The following TPM1 variants were observed in gnomAD, a reference collection of about 807,000 sequenced individuals.
The protein encoded by TPM1 is tropomyosin alpha-1 chain.
In TPM1, 24 loss-of-function variants were observed where a neutral mutation model predicts 42.9. The ratio of observed to expected loss-of-function variants is 0.56; its 90% CI spans 0.41 to 0.79. The LOEUF (loss-of-function observed/expected upper bound fraction) is 0.79. Ranked by LOEUF, TPM1 falls within the 30% of genes least tolerant of loss-of-function variation. The probability of loss-of-function intolerance (pLI) is 0.00; values close to 1 mark genes in which losing one functional copy is unlikely to be tolerated. For missense variants in TPM1, 158 were observed against 351.8 expected (o/e 0.45, Z 4.41); for synonymous variants, 136 against 130.1 (o/e 1.05, Z -0.31).
chr15:63,069,694 A>G (rs1202625204), downstream of TPM1, among the ~76,000 whole-genome samples: 1 of 152,110 alleles, frequency 6.6e-6, no homozygotes, highest in Non-Finnish European at 1.5e-5. Flanking sequence ...TTTAGGGTCT[A>G]CCCTTCCTGG....
chr15:63,054,909 C>A (rs1230618392), intron 2 of TPM1, among the ~76,000 whole-genome samples: 2 of 150,894 alleles, frequency 1.3e-5, no homozygotes, highest in Non-Finnish European at 2.9e-5. Context: ...CTTTGAGTCT[C>A]CCCCCCACCC....
intron 8 of TPM1, chr15:63,063,140 C>T (rs12148828): frequency 0.56 from 548,043 of 980,362 alleles, 153,986 homozygotes; most frequent in Non-Finnish European, 0.57. Flanking sequence ...AAAAATTATA[C>T]TTAAGCATTT....
chr15:63,064,389 G>T, intron 9 of TPM1: 5 of 1,370,592 alleles, frequency 3.6e-6, no homozygotes, highest in Non-Finnish European at 4.7e-6. Flanking sequence ...AACTAGAGCA[G>T]TGAACTAGAA....
At chr15:63,043,496 A>G (rs1401686635) in intron 1 of TPM1, 8 of 773,286 alleles carry the variant, frequency 1.0e-5, no homozygotes, top group Non-Finnish European at 1.8e-5. Flanking sequence ...AGACCTCGGC[A>G]GGAGTCTCGT....
At position 63,048,365 on chromosome 15, in the gene TPM1, C is replaced by T. The variant is rs1370643543; in HGVS notation, c.240+4213C>T. On this transcript the variant is annotated intron_variant, in intron 2 of 9. Transcript: ENST00000403994. Reference sequence around the variant, plus strand: ...GATCCACGGCGCGCGCCCCTCCCAGCCGCGCGCGCCCGCCTGCGGTTTGTC... The same window carrying T: ...GATCCACGGCGCGCGCCCCTCCCAGTCGCGCGCGCCCGCCTGCGGTTTGTC... 5 of 1,291,858 alleles carry T rather than the reference C, an allele frequency of 3.9e-6. No homozygotes were observed. In the Admixed American group the frequency reaches 2.0e-4, roughly 51 times the overall value. The allele number at this position is 1,291,858 out of a possible 1,614,324, so 80.0% of individuals were successfully genotyped here. A position where few individuals can be genotyped will look rare whatever the true frequency, so the allele number is the denominator to read the frequency against.
chr15:63,047,919 GGAAAACTGCATTTAGAACA>G, intron 2 of TPM1: 1 of 211,608 alleles, frequency 4.7e-6, no homozygotes, highest in Non-Finnish European at 9.7e-6. Context: ...AGTCAACCTA[GGAAAACTGCATTTAGAACA>G]GGAGGTCTAA....
chr15:63,061,466 C>A, intron 5 of TPM1: 2 of 744,114 alleles, frequency 2.7e-6, no homozygotes, highest in Non-Finnish European at 4.6e-6. Context: ...TTTGGGCAGC[C>A]AAAAAAGGAG....
intron 1 of TPM1, 147 bp from the exon 2 acceptor site, chr15:63,043,879 TC>T: frequency 6.4e-7 from 1 of 1,550,534 alleles, no homozygotes; most frequent in East Asian, 2.4e-5. Context: ...GCTAACTCTT[TC>T]TCTTTCTCTC....
intron 3 of TPM1, among the ~76,000 whole-genome samples, chr15:63,059,286 G>C (rs1206777311): frequency 6.6e-6 from 1 of 152,172 alleles, no homozygotes; most frequent in South Asian, 2.1e-4. Flanking sequence ...ACAGATTCCT[G>C]ACGTGGTACC....
chr15:63,051,560 T>C (rs930400417), intron 2 of TPM1, among the ~76,000 whole-genome samples: 15 of 152,072 alleles, frequency 9.9e-5, no homozygotes, highest in Non-Finnish European at 1.6e-4. Context: ...CCCCTTTCCT[T>C]ACCATATAAG....
intron 8 of TPM1, 163 bp from the exon 9 acceptor site, chr15:63,063,901 G>T (rs376310733): frequency 5.9e-5 from 51 of 861,444 alleles, no homozygotes; most frequent in Non-Finnish European, 7.9e-5. Context: ...AAAACAAAAC[G>T]CACGCCTCCT....
intron 9 of TPM1, chr15:63,065,647 A>G (rs1320892902): frequency 1.0e-6 from 1 of 984,820 alleles, no homozygotes; most frequent in Non-Finnish European, 1.2e-6. Context: ...GTGTAGCTTA[A>G]AATTTTTTTT....
intron 2 of TPM1, among the ~76,000 whole-genome samples, chr15:63,049,800 G>T (rs562958263): frequency 1.3e-5 from 2 of 152,178 alleles, no homozygotes; most frequent in Non-Finnish European, 2.9e-5. Flanking sequence ...AAATTAATAG[G>T]CAAAAGATAA....
rs766450088 is a variant in TPM1 at position 63,048,445 on chromosome 15, G to A, written c.240+4293G>A. 19 of 1,353,260 alleles carry A rather than the reference G, an allele frequency of 1.4e-5. No individual in the cohort carries two copies. In the South Asian group the frequency reaches 3.2e-4, roughly 23 times the overall value. The allele number at this position is 1,353,260 out of a possible 1,614,324, so 83.8% of individuals were successfully genotyped here. A position where few individuals can be genotyped will look rare whatever the true frequency, so the allele number is the denominator to read the frequency against. ...ACTGCTCCTGGCCGCAGGGGGCGCC[G>A]CCATCGCACAGAGAGGCCTGGGCGG... On this transcript the variant is annotated intron_variant, in intron 2 of 9. Coordinates refer to ENST00000403994, the MANE Select transcript of TPM1 (RefSeq NM_001018005.2).
downstream of TPM1, chr15:63,069,723 TG>T: frequency 1.0e-6 from 1 of 975,324 alleles, no homozygotes; most frequent in Middle Eastern, 3.0e-4. Context: ...CAGGTGACTA[TG>T]GGGTAAGAGT....
intron 1 of TPM1, 125 bp downstream of exon 1, chr15:63,043,068 G>A: frequency 2.4e-6 from 2 of 825,140 alleles, no homozygotes; most frequent in Non-Finnish European, 4.0e-6. Context: ...CACCCAGGGC[G>A]GCCAGGGCGC....
chr15:63,063,466 C>T, intron 8 of TPM1: 1 of 744,450 alleles, frequency 1.3e-6, no homozygotes, highest in Non-Finnish European at 1.6e-6. Flanking sequence ...TTTCAAGCCT[C>T]CTGGACCAGT....
intron 4 of TPM1, 61 bp from the exon 5 acceptor site, chr15:63,060,808 C>G: frequency 6.3e-7 from 1 of 1,582,344 alleles, no homozygotes. Flanking sequence ...TACCCCCATG[C>G]CCTTCTGTTA....
chr15:63,043,634 A>T, intron 1 of TPM1: 1 of 1,533,264 alleles, frequency 6.5e-7, no homozygotes, highest in Non-Finnish European at 8.7e-7. Context: ...AGCCAACCCG[A>T]CGCCCGTGTG....
Sources: gnomAD v4.1 joint callset for allele counts (sites outside exome capture counted in the v4.1 genomes callset) on GRCh38, gnomAD v4.1.1 for gene constraint, MANE v1.5 for transcripts, NCBI Gene and HGNC (gene_info 2026-07-23, HGNC 2026-07-21) for gene names.